PRICKLE2: variants seen among roughly 807,000 people sequenced by gnomAD.
The protein encoded by PRICKLE2 is prickle planar cell polarity protein 2.
PRICKLE2 carries 21 observed loss-of-function variants against 81.4 expected under a neutral mutation model. That is an observed-to-expected ratio of 0.26 (90% CI 0.18 to 0.37). The LOEUF (loss-of-function observed/expected upper bound fraction) is 0.37. Among genes scored for constraint, PRICKLE2 ranks in the 10% least tolerant of loss-of-function variants. The probability of loss-of-function intolerance (pLI) is 1.00; values close to 1 mark genes in which losing one functional copy is unlikely to be tolerated. For missense variants in PRICKLE2, 940 were observed against 1,109.0 expected (o/e 0.85, Z 2.16); for synonymous variants, 456 against 421.5 (o/e 1.08, Z -1.00).
At chr3:64,189,975 G>A (rs1028305078) in intron 2 of PRICKLE2, among the ~76,000 whole-genome samples, 1 of 152,154 alleles carries the variant, frequency 6.6e-6, no homozygotes, top group African/African-American at 2.4e-5. Flanking sequence ...CATGTCCAGG[G>A]ATGTCTTGGC....
intron 2 of PRICKLE2, among the ~76,000 whole-genome samples, chr3:64,265,603 C>T (rs1394674167): frequency 2.0e-5 from 3 of 152,160 alleles, no homozygotes; most frequent in Non-Finnish European, 2.9e-5. Flanking sequence ...AAGCAGCACG[C>T]ATGTCCCTCA....
intron 2 of PRICKLE2, among the ~76,000 whole-genome samples, chr3:64,168,758 A>T (rs1474482421): frequency 6.6e-6 from 1 of 152,202 alleles, no homozygotes; most frequent in Admixed American, 6.5e-5. Flanking sequence ...AGGAAGAAAA[A>T]ACCAAATCAT....
At chr3:64,245,187 T>C (rs1304694046) in intron 2 of PRICKLE2, among the ~76,000 whole-genome samples, 2 of 152,080 alleles carry the variant, frequency 1.3e-5, no homozygotes, top group African/African-American at 2.4e-5. Context: ...CAAGAAAAAA[T>C]AAAGCTCAAC....
At chr3:64,174,086 G>A (rs772029840) in intron 2 of PRICKLE2, among the ~76,000 whole-genome samples, 4 of 152,044 alleles carry the variant, frequency 2.6e-5, no homozygotes, top group Admixed American at 1.3e-4. Flanking sequence ...ATGCTAGTAC[G>A]TTGTTATCAA....
intron 7 of PRICKLE2, among the ~76,000 whole-genome samples, chr3:64,106,618 T>G (rs1269198572): frequency 6.6e-6 from 1 of 152,252 alleles, no homozygotes; most frequent in Non-Finnish European, 1.5e-5. Context: ...AGCTCAACTC[T>G]TCACTCCATT....
intron 2 of PRICKLE2, among the ~76,000 whole-genome samples, chr3:64,261,504 A>G (rs2079614514): frequency 6.6e-6 from 1 of 152,094 alleles, no homozygotes; most frequent in African/African-American, 2.4e-5. Flanking sequence ...AGTGCTTTGG[A>G]GAAAAGTTGG....
chr3:64,226,171 A>G (rs1393641766), upstream of PRICKLE2, among the ~76,000 whole-genome samples: 1 of 152,126 alleles, frequency 6.6e-6, no homozygotes, highest in Non-Finnish European at 1.5e-5. Flanking sequence ...CAGATTAGAA[A>G]ATGGAGACAA....
At chr3:64,204,171 G>A (rs769823482) in intron 1 of PRICKLE2, among the ~76,000 whole-genome samples, 1 of 152,052 alleles carries the variant, frequency 6.6e-6, no homozygotes, top group East Asian at 1.9e-4. Context: ...CACATAACAA[G>A]CCTTTCAATC....
At chr3:64,260,354 C>T (rs1225452906) in intron 2 of PRICKLE2, among the ~76,000 whole-genome samples, 4 of 152,170 alleles carry the variant, frequency 2.6e-5, no homozygotes, top group Non-Finnish European at 2.9e-5. Flanking sequence ...GCAGCAGCTA[C>T]GAGGGCAAGA....
chr3:64,156,322 G>T (rs1165723520), intron 5 of PRICKLE2, among the ~76,000 whole-genome samples: 1 of 152,174 alleles, frequency 6.6e-6, no homozygotes, highest in African/African-American at 2.4e-5. Flanking sequence ...CCATGTAACA[G>T]TAGGCTGTCT....
intron 2 of PRICKLE2, among the ~76,000 whole-genome samples, chr3:64,189,211 A>G (rs1480831104): frequency 6.6e-6 from 1 of 152,190 alleles, no homozygotes; most frequent in Non-Finnish European, 1.5e-5. Context: ...GTGAGAAGAG[A>G]TAAGGATAAA....
At chr3:64,233,445 C>A (rs909297832) in intron 2 of PRICKLE2, among the ~76,000 whole-genome samples, 9 of 152,218 alleles carry the variant, frequency 5.9e-5, no homozygotes, top group Non-Finnish European at 7.3e-5. Flanking sequence ...TGTCTCCCTT[C>A]CTGTCACATG....
At chr3:64,145,040 C>A (rs2077423441) in intron 7 of PRICKLE2, among the ~76,000 whole-genome samples, 1 of 148,404 alleles carries the variant, frequency 6.7e-6, no homozygotes, top group Admixed American at 6.7e-5. Flanking sequence ...TCTATTTTTT[C>A]CCACATTTAA....
chr3:64,176,908 G>A (rs908112484), intron 2 of PRICKLE2, among the ~76,000 whole-genome samples: 1 of 152,074 alleles, frequency 6.6e-6, no homozygotes, highest in Non-Finnish European at 1.5e-5. Context: ...TAATATCTTG[G>A]CCTGCGGGTT....
chr3:64,191,906 T>C (rs967361629), intron 2 of PRICKLE2, among the ~76,000 whole-genome samples: 2 of 152,294 alleles, frequency 1.3e-5, no homozygotes, highest in South Asian at 2.1e-4. Flanking sequence ...GGATACACAG[T>C]GGGCTTCTGC....
intron 6 of PRICKLE2, among the ~76,000 whole-genome samples, chr3:64,148,309 C>T (rs1397901153): frequency 6.6e-6 from 1 of 152,218 alleles, no homozygotes; most frequent in Non-Finnish European, 1.5e-5. Context: ...CATTACTCTC[C>T]ACCCTTACCT....
At chr3:64,258,890 A>G (rs1347324457) in intron 2 of PRICKLE2, among the ~76,000 whole-genome samples, 1 of 148,904 alleles carries the variant, frequency 6.7e-6, no homozygotes, top group Non-Finnish European at 1.5e-5. Context: ...AGAAAGAAAG[A>G]AAGAAATCAG....
chr3:64,221,929 T>G (rs2078962346), intron 1 of PRICKLE2, among the ~76,000 whole-genome samples: 1 of 152,226 alleles, frequency 6.6e-6, no homozygotes, highest in African/African-American at 2.4e-5. Context: ...GTACCACGGT[T>G]TGTCATCTGC....
chr3:64,149,725 C>T (rs748255182), intron 6 of PRICKLE2, among the ~76,000 whole-genome samples: 21 of 152,166 alleles, frequency 1.4e-4, no homozygotes, highest in Non-Finnish European at 2.9e-5. Flanking sequence ...CAAAAGGCCA[C>T]CGGCCCAAGC....
Sources: gnomAD v4.1 joint callset for allele counts (sites outside exome capture counted in the v4.1 genomes callset) on GRCh38, gnomAD v4.1.1 for gene constraint, MANE v1.5 for transcripts, NCBI Gene and HGNC (gene_info 2026-07-23, HGNC 2026-07-21) for gene names.